The following WNT8B variants were observed in gnomAD, a reference collection of about 807,000 sequenced individuals.
WNT8B encodes the protein Wnt family member 8B.
A neutral mutation model predicts 36.6 loss-of-function variants in WNT8B; 24 were observed. The ratio of observed to expected loss-of-function variants is 0.66; its 90% CI spans 0.48 to 0.92. The LOEUF is 0.92. Ranked by LOEUF, WNT8B falls within the 40% of genes least tolerant of loss-of-function variation. The pLI is 0.00. For synonymous variants in WNT8B, 199 were observed against 189.8 expected (o/e 1.05, Z -0.40); for missense variants, 402 against 470.8 (o/e 0.85, Z 1.35).
Position 100,482,661 on chromosome 10 carries a change from C to G in WNT8B, c.901C>G (p.Arg301Gly). The change falls in exon 6 of 6, where the codon CGC becomes GGC. Residue 301 changes from arginine (R) to glycine (G), a missense_variant. Transcript: ENST00000343737. The surrounding 1 kb of genome is among the most constrained non-coding windows in gnomAD (Gnocchi z 6.6). ...GGACTGCGGGCTGGCGGTGGAGGAG[C>G]GCCGGGCCGAGACCGTGTCCAGCTG... Reference protein sequence around the residue: ...CGDCGLAVEERRAETVSSCNC... With the variant: ...CGDCGLAVEEGRAETVSSCNC... 6.2e-7 allele frequency: 1 copy of G among 1,607,532 alleles called. No homozygotes were observed. Among genetic ancestry groups the G allele is most frequent in the Non-Finnish European group, 8.5e-7 (1 of 1,178,840 alleles).
intron 1 of WNT8B, among the ~76,000 whole-genome samples, chr10:100,469,571 C>T (rs2133651506): frequency 6.6e-6 from 1 of 152,324 alleles, no homozygotes; most frequent in South Asian, 2.1e-4. Flanking sequence ...ACTTAACTCT[C>T]TCAAATTGTA....
In WNT8B at chr10:100,464,114, A is replaced by G. The variant is rs1850886385; in HGVS notation, c.68+878A>G. ...TCTATTTAACAAAGATATAAATCCA[A>G]TTGCTACATAAACTGTTGAGGAAGC... On this transcript the variant is annotated intron_variant, in intron 1 of 5. Coordinates refer to ENST00000343737, the MANE Select transcript of WNT8B (RefSeq NM_003393.4). Among the ~76,000 whole-genome samples, 4 of 152,200 alleles carry G rather than the reference A, an allele frequency of 2.6e-5. No homozygotes were observed. In the South Asian group the frequency reaches 8.3e-4, roughly 32 times the overall value.
chr10:100,463,452 C>A (rs567856675), intron 1 of WNT8B, among the ~76,000 whole-genome samples: 1 of 152,200 alleles, frequency 6.6e-6, no homozygotes, highest in Admixed American at 6.5e-5. Context: ...AGCGGGGGTT[C>A]CTATTTTTAT....
intron 1 of WNT8B, among the ~76,000 whole-genome samples, chr10:100,472,974 A>G (rs1273684228): frequency 2.6e-5 from 4 of 152,150 alleles, no homozygotes; most frequent in Non-Finnish European, 5.9e-5. Context: ...ATATTTCTCA[A>G]AATCTTTTTG....
At chr10:100,481,820 A>AC (rs549396722) in intron 4 of WNT8B, 92 bp from the exon 5 acceptor site, 231 of 1,519,208 alleles carry the variant, frequency 1.5e-4, no homozygotes, top group Middle Eastern at 9.1e-4. Context: ...CCTATCCTGG[A>AC]CCCCCCCACC....
intron 1 of WNT8B, among the ~76,000 whole-genome samples, chr10:100,476,651 AAGATAAT>A (rs1322589612): frequency 1.3e-5 from 2 of 152,236 alleles, no homozygotes; most frequent in African/African-American, 4.8e-5. Context: ...TGGAAAAACA[AAGATAAT>A]AGATAATAGA....
rs773154321 is a variant in WNT8B at position 100,482,784 on chromosome 10, G to C, written c.1024G>C (p.Gly342Arg). 1.3e-5 allele frequency: 20 copies of C among 1,586,278 alleles called. No homozygotes were observed. In the Admixed American group the frequency reaches 1.9e-4, roughly 15 times the overall value. ...TAGCCGCGCAGAGCGGCCGCGGGGG[G>C]GCGCTGCGCACAAACCCGGGAGAAA... ...FCSRAERPRG[G>R]AAHKPGRKP is the part of the protein sequence containing the mutation. The change falls in exon 6 of 6, where the codon GGC (glycine) becomes CGC (arginine). Residue 342 changes from glycine to arginine, a missense_variant. This residue lies in a region of WNT8B where 256 missense variants were observed against 278.6 expected (regional missense o/e 0.92). Transcript: ENST00000343737. The surrounding 1 kb of genome is among the most constrained non-coding windows in gnomAD (Gnocchi z 6.6).
chr10:100,467,160 CT>C (rs1850915763), intron 1 of WNT8B, among the ~76,000 whole-genome samples: 1 of 152,068 alleles, frequency 6.6e-6, no homozygotes, highest in Non-Finnish European at 1.5e-5. Context: ...ATGAGCCAAA[CT>C]TTTATGGTTT....
chr10:100,469,149 A>G (rs559462640), intron 1 of WNT8B, among the ~76,000 whole-genome samples: 2 of 152,234 alleles, frequency 1.3e-5, no homozygotes, highest in East Asian at 3.9e-4. Context: ...ACATTCCTGA[A>G]TTTTTCTTTC....
intron 1 of WNT8B, among the ~76,000 whole-genome samples, chr10:100,473,653 A>T (rs996227782): frequency 4.6e-5 from 7 of 152,170 alleles, no homozygotes; most frequent in Non-Finnish European, 5.9e-5. Flanking sequence ...TGGGTTGGAC[A>T]TGGTGGCTCA....
chr10:100,477,337 G>C (rs990962273), intron 1 of WNT8B, among the ~76,000 whole-genome samples: 2 of 151,898 alleles, frequency 1.3e-5, no homozygotes, highest in African/African-American at 4.8e-5. Context: ...GTCTCGGTCT[G>C]TTACCCAGGC....
intron 1 of WNT8B, among the ~76,000 whole-genome samples, chr10:100,464,550 C>T (rs971536712): frequency 2.6e-5 from 4 of 152,088 alleles, no homozygotes; most frequent in African/African-American, 9.7e-5. Flanking sequence ...TAAAAAATAC[C>T]TTTACTGTGT....
intron 1 of WNT8B, among the ~76,000 whole-genome samples, chr10:100,477,763 G>C (rs1589725127): frequency 7.4e-6 from 1 of 135,992 alleles, no homozygotes; most frequent in East Asian, 2.1e-4. Context: ...CATATGACAA[G>C]TTCATTTTTA....
At chr10:100,471,707 C>G (rs1404891960) in intron 1 of WNT8B, among the ~76,000 whole-genome samples, 1 of 152,244 alleles carries the variant, frequency 6.6e-6, no homozygotes, top group Non-Finnish European at 1.5e-5. Flanking sequence ...CCAGCCCTGG[C>G]TTCACCACTT....
intron 1 of WNT8B, among the ~76,000 whole-genome samples, chr10:100,476,721 C>A (rs1851042237): frequency 6.6e-6 from 1 of 152,190 alleles, no homozygotes; most frequent in Non-Finnish European, 1.5e-5. Context: ...TTTAGCCCTG[C>A]AGATCATGTG....
At chr10:100,470,323 T>C (rs752325390) in intron 1 of WNT8B, among the ~76,000 whole-genome samples, 6 of 152,190 alleles carry the variant, frequency 3.9e-5, no homozygotes, top group African/African-American at 7.2e-5. Flanking sequence ...CAGGGTCTCA[T>C]TGCCTTTTTA....
intron 4 of WNT8B, 108 bp downstream of exon 4, chr10:100,481,231 T>C: frequency 6.9e-7 from 1 of 1,440,668 alleles, no homozygotes; most frequent in South Asian, 1.4e-5. Context: ...ATGAAGAAAA[T>C]CATGCGGAAG....
At chr10:100,479,123 A>G in intron 2 of WNT8B, 38 bp downstream of exon 2, 1 of 1,559,028 alleles carries the variant, frequency 6.4e-7, no homozygotes, top group Non-Finnish European at 8.7e-7. Flanking sequence ...GGATTTCACT[A>G]ATCTTAGCCT....
At chr10:100,471,764 T>C (rs1378322751) in intron 1 of WNT8B, among the ~76,000 whole-genome samples, 2 of 152,222 alleles carry the variant, frequency 1.3e-5, no homozygotes, top group East Asian at 3.9e-4. Flanking sequence ...TCAGTCTCTG[T>C]TTCTGTAAAA....
Sources: allele counts gnomAD v4.1 joint callset (sites outside exome capture counted in the v4.1 genomes callset), GRCh38; gene constraint gnomAD v4.1.1; regional missense constraint gnomAD v4.1.1; non-coding constraint Gnocchi (gnomAD v3.1); transcripts MANE v1.5; gene names NCBI Gene and HGNC (gene_info 2026-07-23, HGNC 2026-07-21).